GFRA2: variants seen among roughly 807,000 people sequenced by gnomAD.
The protein encoded by GFRA2 is GDNF family receptor alpha 2.
In GFRA2, 17 loss-of-function variants were observed where a neutral mutation model predicts 48.3. That is an observed-to-expected ratio of 0.35 (90% confidence interval 0.24 to 0.53). GFRA2 has a LOEUF of 0.53. Ranked by LOEUF, GFRA2 falls within the 20% of genes least tolerant of loss-of-function variation. The pLI, the probability that GFRA2 is intolerant of heterozygous loss-of-function variation, is 0.93. For synonymous variants in GFRA2, 305 were observed against 257.2 expected, an observed-to-expected ratio of 1.19 and a Z score of -1.78; for missense variants, 660 against 637.3, an observed-to-expected ratio of 1.04 and a Z score of -0.38.
intron 4 of GFRA2, among the ~76,000 whole-genome samples, chr8:21,717,339 G>A (rs1056726833): frequency 5.3e-5 from 8 of 152,120 alleles, no homozygotes; most frequent in Admixed American, 1.3e-4. Context: ...GATGTAGATC[G>A]TGTCAATGTA....
chr8:21,805,694 G>A (rs1028586049), intron 1 of GFRA2, among the ~76,000 whole-genome samples: 1 of 152,162 alleles, frequency 6.6e-6, no homozygotes, highest in African/African-American at 2.4e-5. Context: ...CTGTGGTCCT[G>A]TCCAGTGCCT....
intron 4 of GFRA2, among the ~76,000 whole-genome samples, chr8:21,737,368 C>CA (rs112229992): frequency 0.12 from 17,326 of 143,076 alleles, 1,179 homozygotes; most frequent in Middle Eastern, 0.28. Flanking sequence ...GACTCCGTCT[C>CA]AAAAAAAAAA....
chr8:21,755,556 C>T (rs967917580), intron 3 of GFRA2, among the ~76,000 whole-genome samples: 3 of 151,512 alleles, frequency 2.0e-5, no homozygotes, highest in South Asian at 2.1e-4. Context: ...CAGCTAGGGA[C>T]GGAGGAGCAG....
At chr8:21,803,059 C>T (rs1807799445) in intron 2 of GFRA2, among the ~76,000 whole-genome samples, 2 of 152,220 alleles carry the variant, frequency 1.3e-5, no homozygotes, top group African/African-American at 4.8e-5. Context: ...CAAACTACTG[C>T]AAAGTCTCAG....
upstream of GFRA2, among the ~76,000 whole-genome samples, chr8:21,789,455 G>A (rs1203027624): frequency 2.0e-5 from 3 of 152,084 alleles, no homozygotes; most frequent in Non-Finnish European, 4.4e-5. Flanking sequence ...GGGGCTCGGG[G>A]GGCAGGGCGT....
chr8:21,699,220 T>C (rs11993990), intron 7 of GFRA2, among the ~76,000 whole-genome samples: 80,838 of 152,160 alleles, frequency 0.53, 25,295 homozygotes, highest in African/African-American at 0.87. Context: ...TCCCATGCTC[T>C]GAGGTCCACA....
intron 3 of GFRA2, among the ~76,000 whole-genome samples, chr8:21,759,045 C>T (rs1423634789): frequency 6.6e-6 from 1 of 152,192 alleles, no homozygotes; most frequent in Non-Finnish European, 1.5e-5. Flanking sequence ...AGAATCTTCC[C>T]TCTCCTACAG....
intron 4 of GFRA2, among the ~76,000 whole-genome samples, chr8:21,745,017 G>A (rs1367214224): frequency 2.0e-5 from 3 of 152,156 alleles, no homozygotes; most frequent in African/African-American, 4.8e-5. Flanking sequence ...CCAAAACCCC[G>A]AGGCCCAGCA....
intron 5 of GFRA2, 103 bp from the exon 6 acceptor site, chr8:21,705,228 C>A: frequency 8.5e-7 from 1 of 1,180,306 alleles, no homozygotes; most frequent in East Asian, 2.5e-5. Context: ...GCGTGGTACC[C>A]ATCCTCTGAC....
At chr8:21,744,000 G>A (rs952290077) in intron 4 of GFRA2, among the ~76,000 whole-genome samples, 4 of 152,176 alleles carry the variant, frequency 2.6e-5, no homozygotes, top group Non-Finnish European at 5.9e-5. Flanking sequence ...TGAAGGCTTG[G>A]AAGCACCACA....
intron 4 of GFRA2, among the ~76,000 whole-genome samples, chr8:21,729,000 C>T (rs1019235947): frequency 3.3e-5 from 5 of 152,194 alleles, no homozygotes; most frequent in African/African-American, 7.2e-5. Flanking sequence ...TGGCAGATTC[C>T]GCAGTGGTGT....
chr8:21,760,591 A>C lies in GFRA2; in HGVS notation c.440-9649T>G, dbSNP rs1167620061. Among the ~76,000 whole-genome samples, 5 of 152,344 alleles carry C rather than the reference A, an allele frequency of 3.3e-5. No individual in the cohort carries two copies. In the East Asian group the frequency reaches 9.6e-4, roughly 29 times the overall value. Reference sequence around the variant, plus strand: ...AATGGACTATTCTGTTTTTGACTTAAGTTTGAGATGTCTATTAGATGTCGA... The same window carrying C: ...AATGGACTATTCTGTTTTTGACTTACGTTTGAGATGTCTATTAGATGTCGA... On this transcript the variant is annotated intron_variant, in intron 3 of 8. Transcript: ENST00000524240.
At chr8:21,700,696 C>A (rs891543073) in intron 7 of GFRA2, among the ~76,000 whole-genome samples, 54 of 152,166 alleles carry the variant, frequency 3.5e-4, no homozygotes, top group African/African-American at 1.3e-3. Context: ...AGGGACCCAA[C>A]TGGCTACCAT....
rs140859491 is a variant in GFRA2 at position 21,726,898 on chromosome 8, G to A, written c.795-20857C>T. Among the ~76,000 whole-genome samples, 1,379 of 151,662 alleles carry A rather than the reference G, an allele frequency of 9.1e-3. 19 individuals carry two copies. The highest frequency in any genetic ancestry group is 0.031 in the African/African-American group (1,264 of 41,310). On this transcript the variant is annotated intron_variant, in intron 4 of 8. Transcript: ENST00000524240. ...CTCCCAAGTAGCTGGGACTACAAGC[G>A]CGCACCACCACACCCGGCTAATTTT...
chr8:21,777,500 C>T (rs961115375), intron 2 of GFRA2, among the ~76,000 whole-genome samples: 27 of 152,200 alleles, frequency 1.8e-4, no homozygotes, highest in Non-Finnish European at 3.1e-4. Context: ...CCACAGAATT[C>T]ACCAGTGAGA....
chr8:21,788,149 G>A lies in GFRA2; in HGVS notation c.11C>T (p.Ala4Val). MIL[A>V]NVFCLFFFLD... The stretch of plus-strand genomic sequence containing the variant: ...AAAGAAGAAGAGGCAGAAGACGTTT[G>A]CCAAGATCATGTTAAATAAATCCCA... Residue 4 changes from alanine to valine, a missense_variant, in exon 1 of 9, where the codon GCA becomes GTA. By Grantham distance (64) the Ala-to-Val change is moderately conservative. Transcript: ENST00000524240. 1 of 1,549,280 alleles carries A rather than the reference G, an allele frequency of 6.5e-7. No homozygotes were observed. The highest frequency in any genetic ancestry group is 8.8e-7 in the Non-Finnish European group (1 of 1,140,190).
chr8:21,792,570 C>G (rs2117103110), upstream of GFRA2, among the ~76,000 whole-genome samples: 1 of 152,118 alleles, frequency 6.6e-6, no homozygotes, highest in East Asian at 1.9e-4. Flanking sequence ...AAGCGTGTAG[C>G]TATGAGAAGA....
rs144103420 is a variant in GFRA2 at position 21,763,312 on chromosome 8, G to A, written c.439+11660C>T. On this transcript the variant is annotated intron_variant, in intron 3 of 8. Coordinates refer to ENST00000524240, the MANE Select transcript of GFRA2 (RefSeq NM_001495.5). Reference sequence around the variant, plus strand: ...CTATTGGGCAGCTCATGGATGGCTGGGGGCCTCCTTTCTCCTCATCATTTC... The same window carrying A: ...CTATTGGGCAGCTCATGGATGGCTGAGGGCCTCCTTTCTCCTCATCATTTC... 9.4e-3 allele frequency among the ~76,000 whole-genome samples: 1,423 copies of A among 152,128 alleles called. 14 individuals carry two copies. Among genetic ancestry groups the A allele is most frequent in the African/African-American group, 0.033 (1,363 of 41,488 alleles).
At chr8:21,724,999 C>A (rs907813701) in intron 4 of GFRA2, among the ~76,000 whole-genome samples, 1 of 152,210 alleles carries the variant, frequency 6.6e-6, no homozygotes, top group Non-Finnish European at 1.5e-5. Context: ...CTGGCCTTCC[C>A]GGCTAGGCCT....
Sources: allele counts gnomAD v4.1 joint callset (sites outside exome capture counted in the v4.1 genomes callset), GRCh38; gene constraint gnomAD v4.1.1; transcripts MANE v1.5; gene names NCBI Gene and HGNC (gene_info 2026-07-23, HGNC 2026-07-21).